The following HSPA4 variants were observed in gnomAD, a reference collection of about 807,000 sequenced individuals.
HSPA4 encodes the protein heat shock protein family A (Hsp70) member 4.
In HSPA4, 25 loss-of-function variants were observed where a neutral mutation model predicts 106.2. The ratio of observed to expected loss-of-function variants is 0.24; its 90% CI spans 0.17 to 0.33. HSPA4 has a LOEUF of 0.33. HSPA4 is among the 10% of genes least tolerant of loss of function. The pLI, the probability that HSPA4 is intolerant of heterozygous loss-of-function variation, is 1.00. For synonymous variants in HSPA4, 332 were observed against 333.6 expected (o/e 1.00, Z 0.05); for missense variants, 841 against 996.0 (o/e 0.84, Z 2.10).
chr5:133,097,549 C>CTTTTTTTTTTTTTT (rs551499462), intron 15 of HSPA4, among the ~76,000 whole-genome samples: 2 of 127,584 alleles, frequency 1.6e-5, no homozygotes, highest in Non-Finnish European at 1.6e-5. Context: ...CTTTTCTTTT[C>CTTTTTTTTTTTTTT]TTTTTTTTTT....
At chr5:133,076,431 T>G (rs1765446609) in intron 6 of HSPA4, among the ~76,000 whole-genome samples, 1 of 152,254 alleles carries the variant, frequency 6.6e-6, no homozygotes, top group South Asian at 2.1e-4. Flanking sequence ...GCAGTTTATC[T>G]CATCTGTCTA....
chr5:133,082,540 A>G (rs929659668), intron 7 of HSPA4, among the ~76,000 whole-genome samples: 4 of 152,136 alleles, frequency 2.6e-5, no homozygotes, highest in Non-Finnish European at 4.4e-5. Flanking sequence ...ATCTCCGCTC[A>G]CTGCAGCCTC....
At chr5:133,095,977 T>C in intron 13 of HSPA4, 121 bp from the exon 14 acceptor site, 1 of 718,212 alleles carries the variant, frequency 1.4e-6, no homozygotes, top group Non-Finnish European at 2.2e-6. Context: ...CCTAAGTTAC[T>C]TAGATCATCA....
intron 1 of HSPA4, among the ~76,000 whole-genome samples, chr5:133,060,637 C>T (rs1765228961): frequency 6.6e-6 from 1 of 152,172 alleles, no homozygotes; most frequent in African/African-American, 2.4e-5. Flanking sequence ...GTTGGGATTA[C>T]AGGCCTGAGC....
chr5:133,059,135 G>GTAA (rs931691958), intron 1 of HSPA4, among the ~76,000 whole-genome samples: 39 of 137,136 alleles, frequency 2.8e-4, no homozygotes, highest in African/African-American at 9.9e-4. Context: ...CTCAAAAATA[G>GTAA]TAATAATAAT....
rs960406732 is a variant in HSPA4, at chr5:133,073,101, C to T, written c.430-129C>T. Reference sequence around the variant, plus strand: ...GCTTACTAAATATTCTAACTTTTCCCTACTAGTTTGAAATATTTTCTTGAT... The same window carrying T: ...GCTTACTAAATATTCTAACTTTTCCTTACTAGTTTGAAATATTTTCTTGAT... On this transcript the variant is annotated intron_variant, in intron 4 of 18. Coordinates refer to ENST00000304858, the MANE Select transcript of HSPA4 (RefSeq NM_002154.4). 6.8e-6 allele frequency: 4 copies of T among 587,816 alleles called. No individual in the cohort carries two copies. The African/African-American group carries it at 7.5e-5, about 11-fold the overall frequency. 36.4% of individuals were successfully genotyped at this position (587,816 alleles called of 1,614,324 possible). A position where few individuals can be genotyped will look rare whatever the true frequency, so the allele number is the denominator to read the frequency against.
At chr5:133,061,189 C>T (rs975606588) in intron 1 of HSPA4, among the ~76,000 whole-genome samples, 2 of 149,090 alleles carry the variant, frequency 1.3e-5, no homozygotes, top group Non-Finnish European at 3.0e-5. Flanking sequence ...GTGACGTGAT[C>T]TCTCCTCACT....
chr5:133,088,647 G>C, intron 9 of HSPA4, 92 bp downstream of exon 9: 1 of 1,105,844 alleles, frequency 9.0e-7, no homozygotes, highest in Non-Finnish European at 1.3e-6. Context: ...GATTAGCTCA[G>C]GGTGACTTCA....
At chr5:133,093,116 C>T (rs575237428) in intron 13 of HSPA4, among the ~76,000 whole-genome samples, 385 of 151,854 alleles carry the variant, frequency 2.5e-3, no homozygotes, top group Non-Finnish European at 4.8e-3. Context: ...CAGGCGTGAG[C>T]CACCACACCC....
At chr5:133,097,351 A>T (rs1426117629) in intron 15 of HSPA4, 65 bp downstream of exon 15, 2 of 1,479,664 alleles carry the variant, frequency 1.4e-6, no homozygotes, top group African/African-American at 2.8e-5. Flanking sequence ...GTGGGTTAGA[A>T]GGGAAGTGTG....
intron 8 of HSPA4, among the ~76,000 whole-genome samples, chr5:133,087,846 ACTC>A (rs1731103632): frequency 6.6e-6 from 1 of 151,658 alleles, no homozygotes; most frequent in South Asian, 2.1e-4. Flanking sequence ...CTGGTTTTGA[ACTC>A]CTGACCTCAG....
intron 1 of HSPA4, among the ~76,000 whole-genome samples, chr5:133,056,957 A>G (rs1019679854): frequency 6.6e-6 from 1 of 152,154 alleles, no homozygotes; most frequent in Non-Finnish European, 1.5e-5. Context: ...ATTTGCTAAT[A>G]ATACTATTAC....
At chr5:133,076,595 A>T in intron 6 of HSPA4, 59 bp from the exon 7 acceptor site, 1 of 1,470,844 alleles carries the variant, frequency 6.8e-7, no homozygotes, top group Non-Finnish European at 9.4e-7. Context: ...GTAAATATAT[A>T]TCATCTGTTT....
chr5:133,059,885 AG>A (rs971700408), intron 1 of HSPA4, among the ~76,000 whole-genome samples: 61 of 152,312 alleles, frequency 4.0e-4, no homozygotes, highest in African/African-American at 1.4e-3. Flanking sequence ...TGCCATGGAT[AG>A]GGATCAGGGA....
At chr5:133,071,526 G>C (rs1765380982) in intron 4 of HSPA4, among the ~76,000 whole-genome samples, 1 of 152,208 alleles carries the variant, frequency 6.6e-6, no homozygotes, top group South Asian at 2.1e-4. Context: ...TGGAAGCCTG[G>C]CTACTGTAGT....
Position 133,092,809 on chromosome 5 carries a change from T to G in HSPA4, c.1650+20T>G, listed in dbSNP as rs1307502712. 1.0e-3 allele frequency: 129 copies of G among 126,138 alleles called. 2 individuals carry two copies. In the East Asian group the frequency reaches 0.031, roughly 30 times the overall value. 7.8% of individuals were successfully genotyped at this position (126,138 alleles called of 1,614,324 possible). Reference sequence around the variant, plus strand: ...ATGGAGGTATGCATTGGGTGGTGTTTTTTTTTTTTTTTTTTTTTTTTTTTT... The same window carrying G: ...ATGGAGGTATGCATTGGGTGGTGTTGTTTTTTTTTTTTTTTTTTTTTTTTT... On this transcript the variant is annotated intron_variant, in intron 13 of 18. Transcript: ENST00000304858.
At chr5:133,067,627 G>GACATCAGAAAAGTACAGA in intron 3 of HSPA4, 70 bp downstream of exon 3, 1 of 1,267,950 alleles carries the variant, frequency 7.9e-7, no homozygotes, top group Non-Finnish European at 1.1e-6. Flanking sequence ...ATATCTATCT[G>GACATCAGAAAAGTACAGA]TACTTTTCTG....
chr5:133,096,211 G>C lies in HSPA4; in HGVS notation c.1764G>C (p.Gln588His). ...DLPIENQLLW[Q>H]IDREMLNLYI... ...CAATCGAGAATCAGCTATTATGGCA[G>C]ATAGACAGAGAGATGCTCAACTTGT... is the stretch of plus-strand genomic sequence containing the variant. The change falls in exon 14 of 19, where the codon CAG becomes CAC. Residue 588 changes from glutamine (Q) to histidine (H), a missense_variant. Coordinates refer to ENST00000304858, the MANE Select transcript of HSPA4 (RefSeq NM_002154.4). 1 of 1,613,906 alleles carries C rather than the reference G, an allele frequency of 6.2e-7. No homozygotes were observed.
Position 133,096,125 on chromosome 5 carries a change from A to C in HSPA4, c.1678A>C (p.Lys560Gln), listed in dbSNP as rs1248490666. The C allele has an allele frequency of 6.2e-7, 1 of 1,614,032 alleles. No homozygotes were observed. The highest frequency in any genetic ancestry group is 1.7e-5 in the Admixed American group (1 of 60,018). Residue 560 changes from lysine to glutamine, a missense_variant, in exon 14 of 19, where the codon AAG becomes CAG. Physicochemically the swap from Lys to Gln is moderately conservative, Grantham distance 53. This residue lies in a region of HSPA4 where 328 missense variants were observed against 372.2 expected (regional missense o/e 0.88). Transcript: ENST00000304858. ...ETSQAGSKDK[K>Q]MDQPPQAKKA... ...CTCTCAAGCTGGATCCAAGGATAAAAAGATGGACCAACCACCCCAAGCCAA... is the reference window on the plus strand; with the variant it reads ...CTCTCAAGCTGGATCCAAGGATAAACAGATGGACCAACCACCCCAAGCCAA...
Sources: allele counts gnomAD v4.1 joint callset (sites outside exome capture counted in the v4.1 genomes callset), GRCh38; gene constraint gnomAD v4.1.1; regional missense constraint gnomAD v4.1.1; transcripts MANE v1.5; gene names NCBI Gene and HGNC (gene_info 2026-07-23, HGNC 2026-07-21).